DOC2B: variants seen among roughly 807,000 people sequenced by gnomAD.
DOC2B encodes the protein double C2 domain beta, also known as double C2-like domain-containing protein beta.
Under a neutral mutation model 28.9 loss-of-function variants are expected in DOC2B, and 21 were observed. The observed-to-expected ratio is 0.73, with a 90% CI of 0.52 to 1.05. The LOEUF is 1.05. Among genes scored for constraint, DOC2B ranks in the 50% least tolerant of loss-of-function variants. The pLI is 0.00. For missense variants in DOC2B, 384 were observed against 421.1 expected, an observed-to-expected ratio of 0.91 and a Z score of 0.77; for synonymous variants, 194 against 178.1, an observed-to-expected ratio of 1.09 and a Z score of -0.71.
intron 1 of DOC2B, among the ~76,000 whole-genome samples, chr17:175,500 G>T (rs1370916547): frequency 2.6e-5 from 4 of 152,212 alleles, no homozygotes; most frequent in Admixed American, 2.0e-4. Context: ...GATAGTAAAT[G>T]GATCTGCTGT....
At chr17:160,694 G>A (rs960870333) in intron 5 of DOC2B, among the ~76,000 whole-genome samples, 30 of 152,184 alleles carry the variant, frequency 2.0e-4, no homozygotes, top group Non-Finnish European at 4.4e-5. Context: ...CCAGCCCTAT[G>A]AACCAGGTGA....
At chr17:173,563 C>T (rs1206577517) in intron 1 of DOC2B, among the ~76,000 whole-genome samples, 1 of 152,200 alleles carries the variant, frequency 6.6e-6, no homozygotes, top group Non-Finnish European at 1.5e-5. Context: ...GAGTCCCTAT[C>T]CCAAGGAAAG....
At chr17:178,444 G>C (rs2040394244) in intron 1 of DOC2B, among the ~76,000 whole-genome samples, 1 of 152,220 alleles carries the variant, frequency 6.6e-6, no homozygotes, top group South Asian at 2.1e-4. Context: ...GAATGGACTG[G>C]GCTTCCACAG....
chr17:147,614 A>T (rs1464680165), intron 8 of DOC2B, 37 bp from the exon 9 acceptor site: 8 of 398,674 alleles, frequency 2.0e-5, no homozygotes, highest in African/African-American at 1.4e-4. Flanking sequence ...GGGCACAGGG[A>T]CCCCCAACTC....
chr17:143,735 A>G lies in DOC2B; in HGVS notation c.*3706T>C, dbSNP rs2039999333. On this transcript the variant is annotated 3_prime_UTR_variant, in exon 9 of 9. Coordinates refer to ENST00000613549, the MANE Select transcript of DOC2B (RefSeq NM_003585.5). The stretch of plus-strand genomic sequence containing the variant: ...CATTTACTTTGGATTATATGTCATT[A>G]TAAATATTAACAAATAAGACTTAAA... 1 of 152,222 alleles carries G rather than the reference A, an allele frequency of 6.6e-6. No homozygotes were observed. The highest frequency in any genetic ancestry group is 1.5e-5 in the Non-Finnish European group (1 of 68,052). 9.4% of individuals were successfully genotyped at this position (152,222 alleles called of 1,614,324 possible). A position where few individuals can be genotyped will look rare whatever the true frequency, so the allele number is the denominator to read the frequency against.
chr17:158,418 T>C (rs947331425), intron 5 of DOC2B, among the ~76,000 whole-genome samples: 15 of 152,134 alleles, frequency 9.9e-5, no homozygotes, highest in Non-Finnish European at 2.1e-4. Context: ...AACACCAAAG[T>C]GAGTCCCTCT....
At position 181,073 on chromosome 17, in the gene DOC2B, G is replaced by A. The variant is rs1189205000; in HGVS notation, c.373+34C>T. 1.1e-5 allele frequency: 14 copies of A among 1,230,904 alleles called. No individual in the cohort carries two copies. Among genetic ancestry groups the A allele is most frequent in the Non-Finnish European group, 1.4e-5 (14 of 984,926 alleles). 76.2% of individuals were successfully genotyped at this position (1,230,904 alleles called of 1,614,324 possible). A position where few individuals can be genotyped will look rare whatever the true frequency, so the allele number is the denominator to read the frequency against. ...TGGGGGGGCCGAGCCCGAGCCAGGG[G>A]AGGGGGCGCGAAGTCGGCGCGTGGG... On this transcript the variant is annotated intron_variant, in intron 1 of 8. Transcript: ENST00000613549. The surrounding 1 kb of genome is among the most constrained non-coding windows in gnomAD (Gnocchi z 7.0).
chr17:180,802 C>T (rs1249170386), intron 1 of DOC2B, among the ~76,000 whole-genome samples: 1 of 151,858 alleles, frequency 6.6e-6, no homozygotes, highest in African/African-American at 2.4e-5. Context: ...TCCGGGAGGG[C>T]GGGCTGGCAG....
rs1427753909 is a variant in DOC2B, at chr17:176,330, C to A, written c.374-3714G>T. On this transcript the variant is annotated intron_variant, in intron 1 of 8. Transcript: ENST00000613549. ...CCCAAGTAGCTGGGACTACAGGCGC[C>A]CACCACCATGCCCGGCTAACTTAAA... Among the ~76,000 whole-genome samples the A allele has an allele frequency of 4.6e-5, 7 of 151,922 alleles. No individual in the cohort carries two copies. The East Asian group carries it at 1.2e-3, about 25-fold the overall frequency.
chr17:159,972 G>C (rs1019483106), intron 5 of DOC2B, among the ~76,000 whole-genome samples: 16 of 149,336 alleles, frequency 1.1e-4, no homozygotes, highest in Non-Finnish European at 2.1e-4. Context: ...GGCAGGGCTG[G>C]TGTTGCTTTT....
chr17:149,641 G>A (rs2040051836), intron 6 of DOC2B, among the ~76,000 whole-genome samples: 3 of 152,072 alleles, frequency 2.0e-5, no homozygotes, highest in Admixed American at 6.5e-5. Context: ...GAGTAGCTGG[G>A]ACTACAGGCA....
chr17:152,898 G>T (rs2040087322), intron 6 of DOC2B, among the ~76,000 whole-genome samples: 1 of 152,186 alleles, frequency 6.6e-6, no homozygotes, highest in South Asian at 2.1e-4. Flanking sequence ...TGGGGCACAG[G>T]TCACACTCTC....
At chr17:173,860 T>C (rs1182985301) in intron 1 of DOC2B, among the ~76,000 whole-genome samples, 1 of 152,198 alleles carries the variant, frequency 6.6e-6, no homozygotes, top group African/African-American at 2.4e-5. Flanking sequence ...CTTCAGGCTC[T>C]GAGCTAGGCT....
At chr17:174,455 AC>A (rs956361586) in intron 1 of DOC2B, among the ~76,000 whole-genome samples, 4 of 152,086 alleles carry the variant, frequency 2.6e-5, no homozygotes, top group African/African-American at 9.7e-5. Context: ...CTTCTCTAAG[AC>A]CCATTCTGGA....
rs573417941 is a variant in DOC2B at position 160,903 on chromosome 17, G to A, written c.765+512C>T. On this transcript the variant is annotated intron_variant, in intron 5 of 8. Coordinates refer to ENST00000613549, the MANE Select transcript of DOC2B (RefSeq NM_003585.5). ...CACTCAGGTCTAACATGTTCCAAGCGTGCTCCTTGCGCGTCCTGTCCACCC... is the reference window on the plus strand; with the variant it reads ...CACTCAGGTCTAACATGTTCCAAGCATGCTCCTTGCGCGTCCTGTCCACCC... Among the ~76,000 whole-genome samples, 7 of 152,238 alleles carry A rather than the reference G, an allele frequency of 4.6e-5. No homozygotes were observed. In the South Asian group the frequency reaches 8.3e-4, roughly 18 times the overall value.
At chr17:164,026 G>A (rs1555523597) in intron 3 of DOC2B, 104 bp downstream of exon 3, 1 of 887,222 alleles carries the variant, frequency 1.1e-6, no homozygotes, top group Non-Finnish European at 1.8e-6. Context: ...GCCTCCCTGG[G>A]TGCCCGCAGC....
intron 2 of DOC2B, among the ~76,000 whole-genome samples, chr17:170,281 A>G (rs980532197): frequency 6.6e-6 from 1 of 152,120 alleles, no homozygotes; most frequent in African/African-American, 2.4e-5. Context: ...GGGTGGTTCT[A>G]GAGAGGGCAG....
In DOC2B at chr17:146,172, C is replaced by T. The variant is rs2040017131; in HGVS notation, c.*1269G>A. ...CACAGGCCTCCCCAGAGACAAGGCCCTGGACGGCCACTGATTACTCCCAAA... is the reference window on the plus strand; with the variant it reads ...CACAGGCCTCCCCAGAGACAAGGCCTTGGACGGCCACTGATTACTCCCAAA... On this transcript the variant is annotated 3_prime_UTR_variant, in exon 9 of 9. Transcript: ENST00000613549. 1 of 152,260 alleles carries T rather than the reference C, an allele frequency of 6.6e-6. No homozygotes were observed. The highest frequency in any genetic ancestry group is 2.4e-5 in the African/African-American group (1 of 41,440). The allele number at this position is 152,260 out of a possible 1,614,324, so 9.4% of individuals were successfully genotyped here. A position where few individuals can be genotyped will look rare whatever the true frequency, so the allele number is the denominator to read the frequency against.
chr17:177,809 G>A (rs2040388030), intron 1 of DOC2B, among the ~76,000 whole-genome samples: 1 of 152,274 alleles, frequency 6.6e-6, no homozygotes, highest in Non-Finnish European at 1.5e-5. Context: ...AAAGGAAGGG[G>A]CACCACAGCC....
Sources: gnomAD v4.1 joint callset for allele counts (sites outside exome capture counted in the v4.1 genomes callset) on GRCh38, gnomAD v4.1.1 for gene constraint, Gnocchi (gnomAD v3.1) non-coding constraint, MANE v1.5 for transcripts, NCBI Gene and HGNC (gene_info 2026-07-23, HGNC 2026-07-21) for gene names.